Variants in CSMD1 observed in about 807,000 individuals in gnomAD.
The protein encoded by CSMD1 is CUB and Sushi multiple domains 1.
Under a neutral mutation model 417.5 loss-of-function variants are expected in CSMD1, and 213 were observed. That is an observed-to-expected ratio of 0.51 (90% CI 0.46 to 0.57). The LOEUF is 0.57. Among genes scored for constraint, CSMD1 ranks in the 20% least tolerant of loss-of-function variants. The probability of loss-of-function intolerance (pLI) is 0.00; values close to 1 mark genes in which losing one functional copy is unlikely to be tolerated. For synonymous variants in CSMD1, 2,862 were observed against 1,736.8 expected (o/e 1.65, Z -16.11); for missense variants, 6,923 against 4,529.7 (o/e 1.53, Z -15.17).
intron 5 of CSMD1, among the ~76,000 whole-genome samples, chr8:3,936,843 C>G (rs1433402943): frequency 6.6e-6 from 1 of 152,100 alleles, no homozygotes; most frequent in South Asian, 2.1e-4. Flanking sequence ...GAGAGTGAGT[C>G]CATTGATGGA....
intron 25 of CSMD1, among the ~76,000 whole-genome samples, chr8:3,301,308 T>G (rs1022880028): frequency 9.9e-5 from 15 of 151,850 alleles, no homozygotes; most frequent in African/African-American, 3.6e-4. Context: ...AGGAACCAGG[T>G]GGTGGGCAGG....
intron 2 of CSMD1, among the ~76,000 whole-genome samples, chr8:4,505,675 T>G (rs1371291554): frequency 6.6e-6 from 1 of 152,178 alleles, no homozygotes; most frequent in Non-Finnish European, 1.5e-5. Context: ...GCTCCAGTTT[T>G]GCTGAGGGAG....
chr8:3,452,327 G>A (rs1175572558), intron 12 of CSMD1, among the ~76,000 whole-genome samples: 1 of 152,042 alleles, frequency 6.6e-6, no homozygotes, highest in African/African-American at 2.4e-5. Flanking sequence ...CTGCCTGATT[G>A]CCCTGGCCAG....
intron 2 of CSMD1, among the ~76,000 whole-genome samples, chr8:4,420,343 T>G (rs1797177112): frequency 6.6e-6 from 1 of 152,112 alleles, no homozygotes; most frequent in African/African-American, 2.4e-5. Context: ...TCCTCGTTTT[T>G]GGATGGCAAT....
intron 2 of CSMD1, among the ~76,000 whole-genome samples, chr8:4,585,569 G>C (rs538020034): frequency 2.0e-5 from 3 of 152,168 alleles, no homozygotes; most frequent in African/African-American, 2.4e-5. Context: ...GAAGTGAAAA[G>C]GTAGAATTCA....
intron 12 of CSMD1, among the ~76,000 whole-genome samples, chr8:3,450,460 C>T (rs943563516): frequency 1.2e-4 from 18 of 151,530 alleles, no homozygotes; most frequent in Non-Finnish European, 1.6e-4. Context: ...ATCCCTCCCC[C>T]CTCCCCACAC....
At chr8:4,922,373 G>C (rs1040515971) in intron 1 of CSMD1, among the ~76,000 whole-genome samples, 1 of 152,056 alleles carries the variant, frequency 6.6e-6, no homozygotes, top group Non-Finnish European at 1.5e-5. Flanking sequence ...CTTATATATA[G>C]CACAATATTT....
At chr8:4,238,970 A>C (rs1027409483) in intron 3 of CSMD1, among the ~76,000 whole-genome samples, 6 of 152,194 alleles carry the variant, frequency 3.9e-5, no homozygotes, top group African/African-American at 1.4e-4. Context: ...TAGACAGCCC[A>C]GAGTCCCATT....
intron 1 of CSMD1, among the ~76,000 whole-genome samples, chr8:4,724,240 C>A (rs1345268353): frequency 1.3e-5 from 2 of 151,926 alleles, no homozygotes; most frequent in African/African-American, 4.8e-5. Context: ...GTTTTAAGAA[C>A]AGTATTATCA....
chr8:4,637,250 G>A (rs1003356818), intron 2 of CSMD1, 92 bp downstream of exon 2: 8 of 1,161,916 alleles, frequency 6.9e-6, no homozygotes, highest in Non-Finnish European at 8.7e-6. Context: ...ACCAACTCCG[G>A]ACACAATAAT....
intron 3 of CSMD1, among the ~76,000 whole-genome samples, chr8:4,058,804 G>C (rs1170702330): frequency 6.6e-6 from 1 of 150,454 alleles, no homozygotes; most frequent in Non-Finnish European, 1.5e-5. Context: ...AGTCCTGAGT[G>C]ACCTACAAAG....
intron 3 of CSMD1, among the ~76,000 whole-genome samples, chr8:4,070,018 A>AT (rs1203882145): frequency 4.0e-5 from 6 of 151,692 alleles, no homozygotes; most frequent in African/African-American, 4.8e-5. Flanking sequence ...GTTCTTAAGA[A>AT]TTTTTTTTAA....
rs1177229428 is a variant in CSMD1, at chr8:3,795,947, C to G, written c.819-41905G>C. On this transcript the variant is annotated intron_variant, in intron 5 of 69. Transcript: ENST00000635120. ...ATCTATCATGTACAGATATAGATAT[C>G]TATCATGTACAGATATAGATATCTA... 9.6e-5 allele frequency among the ~76,000 whole-genome samples: 4 copies of G among 41,802 alleles called. 1 individual carries two copies. Among genetic ancestry groups the G allele is most frequent in the African/African-American group, 4.5e-4 (4 of 8,934 alleles). The allele number at this position is 41,802 out of a possible 152,430, so 27.4% of individuals were successfully genotyped here. A position where few individuals can be genotyped will look rare whatever the true frequency, so the allele number is the denominator to read the frequency against.
intron 10 of CSMD1, among the ~76,000 whole-genome samples, chr8:3,528,280 T>C (rs536988203): frequency 2.6e-5 from 4 of 152,364 alleles, no homozygotes; most frequent in Admixed American, 2.6e-4. Context: ...GGTTCTTGTA[T>C]GCCACTGAGG....
chr8:4,349,989 G>C (rs1447013777), intron 3 of CSMD1, among the ~76,000 whole-genome samples: 1 of 152,018 alleles, frequency 6.6e-6, no homozygotes, highest in Non-Finnish European at 1.5e-5. Flanking sequence ...CAAAGTAATA[G>C]CTTTGGTCCC....
chr8:4,059,070 A>G (rs962280346), intron 3 of CSMD1, among the ~76,000 whole-genome samples: 11 of 152,176 alleles, frequency 7.2e-5, no homozygotes, highest in African/African-American at 2.7e-4. Context: ...AATGTAAAAG[A>G]ACAGAAATTA....
chr8:3,772,104 G>T (rs1439624328), intron 5 of CSMD1, among the ~76,000 whole-genome samples: 3 of 150,028 alleles, frequency 2.0e-5, no homozygotes, highest in African/African-American at 7.4e-5. Flanking sequence ...GGGTGATTTT[G>T]TGTGAGTGCT....
intron 12 of CSMD1, among the ~76,000 whole-genome samples, chr8:3,467,280 T>G (rs527302548): frequency 6.6e-6 from 1 of 152,336 alleles, no homozygotes; most frequent in South Asian, 2.1e-4. Flanking sequence ...TGTATCTCAA[T>G]GCTGCTGAGA....
At chr8:3,137,197 T>A (rs1160581855) in intron 41 of CSMD1, among the ~76,000 whole-genome samples, 1 of 152,234 alleles carries the variant, frequency 6.6e-6, no homozygotes, top group East Asian at 1.9e-4. Context: ...CTAGACCTTA[T>A]TCCTCCTATC....
Sources: gnomAD v4.1 joint callset for allele counts (sites outside exome capture counted in the v4.1 genomes callset) on GRCh38, gnomAD v4.1.1 for gene constraint, MANE v1.5 for transcripts, NCBI Gene and HGNC (gene_info 2026-07-23, HGNC 2026-07-21) for gene names.